Variants in SLC35B3 observed in about 807,000 individuals in gnomAD.
The protein encoded by SLC35B3 is solute carrier family 35 member B3.
In SLC35B3, 35 loss-of-function variants were observed where a neutral mutation model predicts 44.1. That is an observed-to-expected ratio of 0.79 (90% CI 0.61 to 1.05). The LOEUF (loss-of-function observed/expected upper bound fraction) is 1.05. Among genes scored for constraint, SLC35B3 ranks in the 50% least tolerant of loss-of-function variants. The pLI is 0.00. For synonymous variants in SLC35B3, 146 were observed against 167.3 expected, an observed-to-expected ratio of 0.87 and a Z score of 0.98; for missense variants, 414 against 476.4, an observed-to-expected ratio of 0.87 and a Z score of 1.22.
In SLC35B3 at chr6:8,413,233, T is replaced by TA. The variant is rs1181611244; in HGVS notation, c.*315dup. ...ACGTATCGATTTCTTTGATAGGATA[T>TA]AATTATAGCCAATTAGTCTTGCAAC... On this transcript the variant is annotated 3_prime_UTR_variant, in exon 11 of 11. Coordinates refer to ENST00000644923, the MANE Select transcript of SLC35B3 (RefSeq NM_001370476.2). 1 of 233,350 alleles carries TA rather than the reference T, an allele frequency of 4.3e-6. No homozygotes were observed. The highest frequency in any genetic ancestry group is 2.3e-5 in the African/African-American group (1 of 43,278). The allele number at this position is 233,350 out of a possible 1,614,324, so 14.5% of individuals were successfully genotyped here. A position where few individuals can be genotyped will look rare whatever the true frequency, so the allele number is the denominator to read the frequency against.
Position 8,433,154 on chromosome 6 carries a change from T to A in SLC35B3, c.3+1231A>T, listed in dbSNP as rs1249236022. Among the ~76,000 whole-genome samples the A allele has an allele frequency of 6.6e-6, 1 of 152,150 alleles. No homozygotes were observed. Among genetic ancestry groups the A allele is most frequent in the Admixed American group, 6.5e-5 (1 of 15,274 alleles). On this transcript the variant is annotated intron_variant, in intron 2 of 10. Coordinates refer to ENST00000644923, the MANE Select transcript of SLC35B3 (RefSeq NM_001370476.2). The surrounding 1 kb of genome is among the most constrained non-coding windows in gnomAD (Gnocchi z 4.1). The stretch of plus-strand genomic sequence containing the variant: ...ATCTAATATCTGTTTCGGACCCTAC[T>A]CCATCAGGCAGCCATTTTCTCTTGC...
intron 5 of SLC35B3, among the ~76,000 whole-genome samples, chr6:8,421,503 G>A (rs1762886448): frequency 6.6e-6 from 1 of 152,118 alleles, no homozygotes; most frequent in Non-Finnish European, 1.5e-5. Flanking sequence ...GGCTTATTCT[G>A]GGATGGTATC....
In SLC35B3 at chr6:8,419,550, A is replaced by C. The variant is rs772098871; in HGVS notation, c.780+30T>G. On this transcript the variant is annotated intron_variant, in intron 7 of 10. Coordinates refer to ENST00000644923, the MANE Select transcript of SLC35B3 (RefSeq NM_001370476.2). This position sits in a 1 kb window ranked among gnomAD's most constrained non-coding sequence, Gnocchi z 4.3. ...GTATCACCATTTTTTAAATCTGTCT[A>C]ATTTGAAGAAAAAACACTAGAGTAT... is the stretch of plus-strand genomic sequence containing the variant. The C allele has an allele frequency of 1.7e-6, 2 of 1,160,162 alleles. No individual in the cohort carries two copies. The highest frequency in any genetic ancestry group is 1.6e-5 in the South Asian group (1 of 62,982). The allele number at this position is 1,160,162 out of a possible 1,614,324, so 71.9% of individuals were successfully genotyped here.
Position 8,413,454 on chromosome 6 carries a change from C to G in SLC35B3, c.*95G>C. On this transcript the variant is annotated 3_prime_UTR_variant, in exon 11 of 11. Coordinates refer to ENST00000644923, the MANE Select transcript of SLC35B3 (RefSeq NM_001370476.2). ...TCTGTCCACAAATGGGATAGCAATG[C>G]CTCCAGATCCTTTGGTTTTTATCAG... The G allele has an allele frequency of 1.9e-6, 2 of 1,052,050 alleles. No homozygotes were observed. The highest frequency in any genetic ancestry group is 2.7e-6 in the Non-Finnish European group (2 of 743,202). 65.2% of individuals were successfully genotyped at this position (1,052,050 alleles called of 1,614,324 possible).
Position 8,420,705 on chromosome 6 carries a change from T to TA in SLC35B3, c.682+15dup. The TA allele has an allele frequency of 6.3e-7, 1 of 1,581,404 alleles. No individual in the cohort carries two copies. The highest frequency in any genetic ancestry group is 1.4e-5 in the African/African-American group (1 of 73,988). On this transcript the variant is annotated intron_variant, in intron 6 of 10. Coordinates refer to ENST00000644923, the MANE Select transcript of SLC35B3 (RefSeq NM_001370476.2). The surrounding 1 kb of genome is among the most constrained non-coding windows in gnomAD (Gnocchi z 4.4). ...AAAAAGCCTATAAAAGCTAGGAATA[T>TA]AAATAAATTACTTACCCGTCAGGTT...
In SLC35B3 at chr6:8,432,502, A is replaced by C. The variant is rs1053602786; in HGVS notation, c.3+1883T>G. ...ACTCAATACAATTATAGGTAATAGTATAAGAAAGCAGTATAGCATAATGCT... is the reference window on the plus strand; with the variant it reads ...ACTCAATACAATTATAGGTAATAGTCTAAGAAAGCAGTATAGCATAATGCT... On this transcript the variant is annotated intron_variant, in intron 2 of 10. Transcript: ENST00000644923. The surrounding 1 kb of genome is among the most constrained non-coding windows in gnomAD (Gnocchi z 4.8). Among the ~76,000 whole-genome samples, 2 of 152,130 alleles carry C rather than the reference A, an allele frequency of 1.3e-5. No individual in the cohort carries two copies. Among genetic ancestry groups the C allele is most frequent in the African/African-American group, 4.8e-5 (2 of 41,434 alleles).
In SLC35B3 at chr6:8,413,562, G is replaced by A. The variant is rs950423574; in HGVS notation, c.1193C>T (p.Ala398Val). 7 of 1,609,100 alleles carry A rather than the reference G, an allele frequency of 4.4e-6. No individual in the cohort carries two copies. The highest frequency in any genetic ancestry group is 1.7e-5 in the Admixed American group (1 of 59,682). The change falls in exon 11 of 11, where the codon GCA becomes GTA. Residue 398 changes from alanine to valine, a missense_variant. Physicochemically the swap from Ala to Val is moderately conservative, Grantham distance 64 (BLOSUM62 0). Coordinates refer to ENST00000644923, the MANE Select transcript of SLC35B3 (RefSeq NM_001370476.2). ...GACAATCACTGTCTATACAGTCTGT[G>A]CCAGCGTCCTTGACTTTCTTGCTTC...
intron 2 of SLC35B3, among the ~76,000 whole-genome samples, 185 bp from the exon 2 acceptor site, chr6:8,430,342 C>T (rs1294662088): frequency 6.6e-6 from 1 of 152,108 alleles, no homozygotes; most frequent in Admixed American, 6.5e-5. Flanking sequence ...AACAATTTGT[C>T]TACAGCTGAT....
intron 4 of SLC35B3, among the ~76,000 whole-genome samples, chr6:8,426,451 G>C (rs1016998575): frequency 6.6e-6 from 1 of 152,078 alleles, no homozygotes; most frequent in African/African-American, 2.4e-5. Flanking sequence ...TCATGGGGGT[G>C]GTTTCCCCCA....
intron 2 of SLC35B3, among the ~76,000 whole-genome samples, chr6:8,430,465 G>A (rs951931275): frequency 6.6e-6 from 1 of 152,138 alleles, no homozygotes; most frequent in African/African-American, 2.4e-5. Context: ...TATAGTTGAT[G>A]CATAACATTC....
rs907071197 is a variant in SLC35B3, at chr6:8,420,534, AAC to A, written c.682+185_682+186del. ...CAAAATGCATGCACACTAAAAAACA[AAC>A]AAATTGTTTTATCTACAGAGCTGTG... On this transcript the variant is annotated intron_variant, in intron 6 of 10. Coordinates refer to ENST00000644923, the MANE Select transcript of SLC35B3 (RefSeq NM_001370476.2). This position sits in a 1 kb window ranked among gnomAD's most constrained non-coding sequence, Gnocchi z 4.4. Among the ~76,000 whole-genome samples, 18 of 152,206 alleles carry A rather than the reference AAC, an allele frequency of 1.2e-4. No homozygotes were observed. Among genetic ancestry groups the A allele is most frequent in the African/African-American group, 3.6e-4 (15 of 41,460 alleles).
Position 8,435,469 on chromosome 6 carries a change from T to A in SLC35B3, c.-170A>T. The stretch of plus-strand genomic sequence containing the variant: ...CTTCCTCCTCCTCCTCGCCCACTCC[T>A]GCACTTTCCACCGCGGCGGTCGCCT... On this transcript the variant is annotated 5_prime_UTR_variant, in exon 1 of 11. Coordinates refer to ENST00000644923, the MANE Select transcript of SLC35B3 (RefSeq NM_001370476.2). This position sits in a 1 kb window ranked among gnomAD's most constrained non-coding sequence, Gnocchi z 5.5. 9.0e-7 allele frequency: 1 copy of A among 1,105,432 alleles called. No individual in the cohort carries two copies. Among genetic ancestry groups the A allele is most frequent in the Non-Finnish European group, 1.2e-6 (1 of 835,534 alleles). The allele number at this position is 1,105,432 out of a possible 1,614,324, so 68.5% of individuals were successfully genotyped here.
At position 8,430,116 on chromosome 6, in the gene SLC35B3, G is replaced by A. The variant is rs534033384; in HGVS notation, c.45C>T (p.Val15=). Reference sequence around the variant, plus strand: ...CAGAGTTATTTTTGTTGGTTTCCTGGACTGTTATGTTCTGTATGTCTTTTG... The same window carrying A: ...CAGAGTTATTTTTGTTGGTTTCCTGAACTGTTATGTTCTGTATGTCTTTTG... Residue 15 remains valine, a synonymous_variant, in exon 3 of 11, where the codon GTC becomes GTT. Transcript: ENST00000644923. 532 of 1,611,302 alleles carry A rather than the reference G, an allele frequency of 3.3e-4. 7 individuals are homozygous for A. In the South Asian group the frequency reaches 5.3e-3, roughly 16 times the overall value.
chr6:8,426,277 A>G (rs1251551211), intron 4 of SLC35B3, among the ~76,000 whole-genome samples: 4 of 152,126 alleles, frequency 2.6e-5, no homozygotes, highest in African/African-American at 7.2e-5. Flanking sequence ...TTAATATGAG[A>G]TTTATTTATG....
chr6:8,430,666 G>C (rs1007678979), intron 2 of SLC35B3, among the ~76,000 whole-genome samples: 1 of 152,066 alleles, frequency 6.6e-6, no homozygotes, highest in South Asian at 2.1e-4. Flanking sequence ...GGTTGCTTGA[G>C]ACCAGGAGTT....
intron 9 of SLC35B3, among the ~76,000 whole-genome samples, chr6:8,416,061 T>C (rs569490494): frequency 1.3e-5 from 2 of 152,274 alleles, no homozygotes; most frequent in East Asian, 1.9e-4. Context: ...CTGGCTCTGG[T>C]TGACTATGAG....
At chr6:8,427,181 T>C (rs1216690606) in intron 4 of SLC35B3, among the ~76,000 whole-genome samples, 1 of 152,140 alleles carries the variant, frequency 6.6e-6, no homozygotes, top group South Asian at 2.1e-4. Context: ...GAAAAACCCA[T>C]TTTTTGAGGA....
chr6:8,424,539 C>A (rs897534427), intron 4 of SLC35B3, among the ~76,000 whole-genome samples: 1 of 152,118 alleles, frequency 6.6e-6, no homozygotes, highest in Admixed American at 6.5e-5. Flanking sequence ...GGATTACAGG[C>A]GTGAGCCACT....
At chr6:8,425,374 C>G (rs1445396945) in intron 4 of SLC35B3, among the ~76,000 whole-genome samples, 1 of 152,060 alleles carries the variant, frequency 6.6e-6, no homozygotes, top group Non-Finnish European at 1.5e-5. Flanking sequence ...TATTTAATTA[C>G]CTATTCTATC....
Sources: gnomAD v4.1 joint callset for allele counts (sites outside exome capture counted in the v4.1 genomes callset) on GRCh38, gnomAD v4.1.1 for gene constraint, Gnocchi (gnomAD v3.1) non-coding constraint, MANE v1.5 for transcripts, NCBI Gene and HGNC (gene_info 2026-07-23, HGNC 2026-07-21) for gene names.